TMEM181: variants seen among roughly 807,000 people sequenced by gnomAD.
The protein encoded by TMEM181 is G protein-coupled receptor 178.
A neutral mutation model predicts 71.9 loss-of-function variants in TMEM181; 39 were observed. The ratio of observed to expected loss-of-function variants is 0.54; its 90% CI spans 0.42 to 0.71. The LOEUF (loss-of-function observed/expected upper bound fraction) is 0.71. TMEM181 is among the 30% of genes least tolerant of loss of function. The pLI is 0.00. For synonymous variants in TMEM181, 245 were observed against 228.8 expected, an observed-to-expected ratio of 1.07 and a Z score of -0.64; for missense variants, 595 against 583.0, an observed-to-expected ratio of 1.02 and a Z score of -0.21.
chr6:158,543,240 C>T (rs1781416957), intron 1 of TMEM181, among the ~76,000 whole-genome samples: 1 of 152,156 alleles, frequency 6.6e-6, no homozygotes, highest in South Asian at 2.1e-4. Context: ...GATATAATTT[C>T]CTGGATAGCA....
chr6:158,540,782 TGA>T (rs1409206721), intron 1 of TMEM181, among the ~76,000 whole-genome samples: 3 of 152,062 alleles, frequency 2.0e-5, no homozygotes, highest in Admixed American at 1.3e-4. Context: ...TTCTTTTTTT[TGA>T]GAGAGAGAGT....
In TMEM181 at chr6:158,599,050, C is replaced by T. The variant is rs570369378; in HGVS notation, c.493-6217C>T. The stretch of plus-strand genomic sequence containing the variant: ...GCCCTTTGCTTGGTGCTGCACAGGT[C>T]GCTGTGACACGTCCCTCCCGCGGTC... On this transcript the variant is annotated intron_variant, in intron 6 of 16. Coordinates refer to ENST00000684151, the MANE Select transcript of TMEM181 (RefSeq NM_001376852.1). Among the ~76,000 whole-genome samples the T allele has an allele frequency of 1.4e-4, 22 of 152,294 alleles. No homozygotes were observed. In the South Asian group the frequency reaches 1.7e-3, roughly 11 times the overall value.
chr6:158,560,324 G>A, intron 1 of TMEM181, 92 bp downstream of exon 1: 1 of 985,114 alleles, frequency 1.0e-6, no homozygotes, highest in Non-Finnish European at 1.2e-6. Flanking sequence ...CGTGCCGCAG[G>A]GTCCCTGGCG....
chr6:158,583,174 A>G (rs1216626845), intron 3 of TMEM181, among the ~76,000 whole-genome samples: 2 of 152,180 alleles, frequency 1.3e-5, no homozygotes, highest in African/African-American at 2.4e-5. Flanking sequence ...CAGAGGTTGC[A>G]GTGAGCCGAG....
At chr6:158,622,173 ATACATACC>A (rs1786000185) in intron 10 of TMEM181, among the ~76,000 whole-genome samples, 1 of 152,250 alleles carries the variant, frequency 6.6e-6, no homozygotes, top group South Asian at 2.1e-4. Flanking sequence ...TTCTCTATAC[ATACATACC>A]TATGATAAAG....
Position 158,625,725 on chromosome 6 carries a change from T to C in TMEM181, c.1080T>C (p.Thr360=), listed in dbSNP as rs1300797397. 1.2e-6 allele frequency: 2 copies of C among 1,610,884 alleles called. No individual in the cohort carries two copies. Among genetic ancestry groups the C allele is most frequent in the South Asian group, 1.1e-5 (1 of 89,780 alleles). ...CAGATCTCAGGTTGAAATTTTTGAC[T>C]GCATTGACTTTCGTAGTACTTGTCA... The part of the protein sequence containing the change: ...PYVDLRLKFL[T]ALTFVVLVIS... The change falls in exon 13 of 17, where the codon ACT becomes ACC. Residue 360 remains threonine, a synonymous_variant. Coordinates refer to ENST00000684151, the MANE Select transcript of TMEM181 (RefSeq NM_001376852.1).
At position 158,564,563 on chromosome 6, in the gene TMEM181, G is replaced by C. The variant is rs1281767229; in HGVS notation, c.8+4331G>C. 2.6e-5 allele frequency among the ~76,000 whole-genome samples: 4 copies of C among 152,238 alleles called. No homozygotes were observed. The East Asian group carries it at 5.8e-4, about 22-fold the overall frequency. Reference sequence around the variant, plus strand: ...AAAATGCTTTCAAACAGAAAAAGTAGAGGAGAAAAAGCACAGCCATCGTTT... The same window carrying C: ...AAAATGCTTTCAAACAGAAAAAGTACAGGAGAAAAAGCACAGCCATCGTTT... On this transcript the variant is annotated intron_variant, in intron 1 of 16. Coordinates refer to ENST00000684151, the MANE Select transcript of TMEM181 (RefSeq NM_001376852.1).
chr6:158,546,917 A>G (rs1408352062), intron 1 of TMEM181, among the ~76,000 whole-genome samples: 2 of 151,978 alleles, frequency 1.3e-5, no homozygotes, highest in Admixed American at 1.3e-4. Context: ...CCGAGATTGC[A>G]CCACTGCACT....
At chr6:158,617,302 T>A (rs891430996) in intron 10 of TMEM181, among the ~76,000 whole-genome samples, 2 of 152,206 alleles carry the variant, frequency 1.3e-5, no homozygotes, top group Admixed American at 1.3e-4. Flanking sequence ...TGATGGTAGT[T>A]TGTATTTCTG....
intron 3 of TMEM181, among the ~76,000 whole-genome samples, chr6:158,581,533 C>A (rs975837367): frequency 6.6e-6 from 1 of 152,048 alleles, no homozygotes; most frequent in African/African-American, 2.4e-5. Context: ...GTGAGCTGAT[C>A]ACGAGGTCAA....
chr6:158,631,264 G>A, intron 15 of TMEM181, 59 bp from the exon 16 acceptor site: 1 of 1,559,074 alleles, frequency 6.4e-7, no homozygotes, highest in South Asian at 1.1e-5. Context: ...ACAGCATCCT[G>A]CCTGTCCAGG....
At chr6:158,543,718 C>T (rs1302382327) in intron 1 of TMEM181, among the ~76,000 whole-genome samples, 5 of 152,174 alleles carry the variant, frequency 3.3e-5, no homozygotes, top group South Asian at 2.1e-4. Flanking sequence ...ATTTAGGGCC[C>T]GCCTTAATGA....
chr6:158,570,589 GT>G (rs1205837067), intron 1 of TMEM181, among the ~76,000 whole-genome samples: 4 of 152,062 alleles, frequency 2.6e-5, no homozygotes, highest in African/African-American at 9.7e-5. Context: ...TCTGGAGTCA[GT>G]ATACGTGCCC....
intron 1 of TMEM181, among the ~76,000 whole-genome samples, chr6:158,542,654 G>A (rs1296591922): frequency 6.6e-6 from 1 of 152,158 alleles, no homozygotes; most frequent in African/African-American, 2.4e-5. Context: ...GCCCAGGCTA[G>A]AATGCAGTGA....
chr6:158,562,446 T>G (rs911851925), intron 1 of TMEM181, among the ~76,000 whole-genome samples: 94 of 141,190 alleles, frequency 6.7e-4, no homozygotes, highest in South Asian at 2.6e-3. Flanking sequence ...AAGGCTGTTT[T>G]TGTGTGTGTG....
chr6:158,609,907 C>T (rs1785193313), intron 10 of TMEM181: 2 of 233,960 alleles, frequency 8.5e-6, no homozygotes, highest in African/African-American at 4.6e-5. Flanking sequence ...GGATCTGCCT[C>T]AGCACTTCCC....
At chr6:158,559,902 C>T (rs570845774), upstream of TMEM181, among the ~76,000 whole-genome samples, 2 of 152,368 alleles carry the variant, frequency 1.3e-5, no homozygotes, top group African/African-American at 2.4e-5. Context: ...TTCACTCATT[C>T]CTTCTGTCTT....
chr6:158,598,349 T>C (rs1249721214), intron 6 of TMEM181, among the ~76,000 whole-genome samples: 4 of 152,160 alleles, frequency 2.6e-5, no homozygotes, highest in Admixed American at 1.3e-4. Context: ...CACATCTCAT[T>C]TCCTCCATTT....
chr6:158,566,266 G>T (rs1037448696), intron 1 of TMEM181, among the ~76,000 whole-genome samples: 5 of 152,122 alleles, frequency 3.3e-5, no homozygotes, highest in Non-Finnish European at 5.9e-5. Context: ...GTTGAGGGGA[G>T]AGGACTGGGC....
Sources: allele counts gnomAD v4.1 joint callset (sites outside exome capture counted in the v4.1 genomes callset), GRCh38; gene constraint gnomAD v4.1.1; transcripts MANE v1.5; gene names NCBI Gene and HGNC (gene_info 2026-07-23, HGNC 2026-07-21).